PTPRK: variants seen among roughly 807,000 people sequenced by gnomAD.
The protein encoded by PTPRK is receptor-type tyrosine-protein phosphatase kappa.
Under a neutral mutation model 178.0 loss-of-function variants are expected in PTPRK, and 75 were observed. That is an observed-to-expected ratio of 0.42 (90% CI 0.35 to 0.51). PTPRK has a LOEUF of 0.51. PTPRK is among the 20% of genes least tolerant of loss of function. The pLI, the probability that PTPRK is intolerant of heterozygous loss-of-function variation, is 0.02. For missense variants in PTPRK, 1,441 were observed against 1,797.8 expected (o/e 0.80, Z 3.59); for synonymous variants, 637 against 620.6 (o/e 1.03, Z -0.39).
chr6:128,295,406 T>A (rs1355696011), intron 3 of PTPRK, among the ~76,000 whole-genome samples: 1 of 152,082 alleles, frequency 6.6e-6, no homozygotes. Flanking sequence ...AAGCAAGATT[T>A]TTTTTTAAAT....
chr6:128,170,495 A>G (rs1290881648), intron 7 of PTPRK, among the ~76,000 whole-genome samples: 1 of 152,056 alleles, frequency 6.6e-6, no homozygotes, highest in Non-Finnish European at 1.5e-5. Flanking sequence ...CACTTTCTAA[A>G]GGTAATATTT....
chr6:128,191,809 A>C (rs1803850775), intron 6 of PTPRK, among the ~76,000 whole-genome samples: 1 of 152,218 alleles, frequency 6.6e-6, no homozygotes, highest in Non-Finnish European at 1.5e-5. Flanking sequence ...CAATGCTGAA[A>C]ATAATAAATT....
chr6:128,130,744 A>G (rs894433040), intron 7 of PTPRK, among the ~76,000 whole-genome samples: 3 of 152,166 alleles, frequency 2.0e-5, no homozygotes, highest in African/African-American at 7.2e-5. Context: ...AGAAAATGGA[A>G]TGGTTTTGGC....
chr6:128,002,744 G>C (rs1291630261), intron 15 of PTPRK, among the ~76,000 whole-genome samples: 1 of 151,816 alleles, frequency 6.6e-6, no homozygotes, highest in Non-Finnish European at 1.5e-5. Context: ...AAAGACAAAA[G>C]CTAGAGCAAA....
chr6:128,033,717 A>T (rs1775735686), intron 13 of PTPRK, among the ~76,000 whole-genome samples: 1 of 152,038 alleles, frequency 6.6e-6, no homozygotes, highest in South Asian at 2.1e-4. Context: ...ACAAAAAATA[A>T]AATTGTTTAA....
chr6:128,286,471 A>T (rs968319755), intron 3 of PTPRK, among the ~76,000 whole-genome samples: 14 of 152,024 alleles, frequency 9.2e-5, no homozygotes, highest in African/African-American at 3.1e-4. Flanking sequence ...TTGTATAGGA[A>T]CTATCTCTAG....
At chr6:128,057,773 G>C (rs901316364) in intron 13 of PTPRK, among the ~76,000 whole-genome samples, 5 of 152,084 alleles carry the variant, frequency 3.3e-5, no homozygotes, top group Non-Finnish European at 7.4e-5. Flanking sequence ...TCCTCCTTGT[G>C]AATCACCGAA....
Position 128,240,019 on chromosome 6 carries a change from G to T in PTPRK, c.693+16C>A. 2 of 1,581,440 alleles carry T rather than the reference G, an allele frequency of 1.3e-6. No homozygotes were observed. Among genetic ancestry groups the T allele is most frequent in the Non-Finnish European group, 1.7e-6 (2 of 1,151,462 alleles). On this transcript the variant is annotated intron_variant, in intron 5 of 29. Transcript: ENST00000368226. ...ATAAAGTATACTCTTTAGCTCAGCT[G>T]CCAACTTGGCCTTACCTGGAGCCAT... is the stretch of plus-strand genomic sequence containing the variant.
At chr6:128,112,861 G>C (rs1054678492) in intron 7 of PTPRK, among the ~76,000 whole-genome samples, 1 of 152,064 alleles carries the variant, frequency 6.6e-6, no homozygotes, top group African/African-American at 2.4e-5. Context: ...AATGCAGTTT[G>C]ATTTCTTACA....
At chr6:128,396,364 A>G (rs1010646122) in intron 2 of PTPRK, among the ~76,000 whole-genome samples, 3 of 148,704 alleles carry the variant, frequency 2.0e-5, no homozygotes, top group African/African-American at 7.3e-5. Context: ...AACTATATAT[A>G]ATATATAATT....
chr6:128,355,249 TGA>T (rs1483828035), intron 2 of PTPRK, among the ~76,000 whole-genome samples: 2 of 152,124 alleles, frequency 1.3e-5, no homozygotes, highest in Non-Finnish European at 2.9e-5. Context: ...CGTCCAAAAG[TGA>T]GAATAAAGGG....
intron 21 of PTPRK, among the ~76,000 whole-genome samples, chr6:127,986,698 A>G (rs905236920): frequency 1.3e-5 from 2 of 152,148 alleles, no homozygotes; most frequent in African/African-American, 4.8e-5. Context: ...ATCCCACTAT[A>G]ATCTATATAA....
intron 1 of PTPRK, among the ~76,000 whole-genome samples, chr6:128,518,634 A>C (rs772675275): frequency 2.0e-5 from 3 of 152,212 alleles, no homozygotes; most frequent in Non-Finnish European, 2.9e-5. Flanking sequence ...GCATATAATG[A>C]GTTACATCAA....
chr6:128,452,352 A>G (rs917838901), intron 1 of PTPRK, among the ~76,000 whole-genome samples: 1 of 152,096 alleles, frequency 6.6e-6, no homozygotes, highest in Non-Finnish European at 1.5e-5. Context: ...TTCCCCAGTT[A>G]ATAAGTTGCT....
At chr6:128,378,057 C>T (rs1197382177) in intron 2 of PTPRK, among the ~76,000 whole-genome samples, 1 of 151,954 alleles carries the variant, frequency 6.6e-6, no homozygotes, top group African/African-American at 2.4e-5. Context: ...CAAATCTTCA[C>T]AAAAATAGAT....
chr6:128,109,908 T>G (rs1302755424), intron 7 of PTPRK, among the ~76,000 whole-genome samples: 1 of 151,582 alleles, frequency 6.6e-6, no homozygotes, highest in East Asian at 1.9e-4. Context: ...ACTACTTTTT[T>G]GGGGGGGGAG....
At position 128,350,243 on chromosome 6, in the gene PTPRK, AG is replaced by A. The variant is rs200705714; in HGVS notation, c.224-27934del. Among the ~76,000 whole-genome samples, 1,226 of 152,302 alleles carry A rather than the reference AG, an allele frequency of 8.0e-3. 8 individuals are homozygous for A. The highest frequency in any genetic ancestry group is 0.012 in the Non-Finnish European group (815 of 68,018). On this transcript the variant is annotated intron_variant, in intron 2 of 29. Transcript: ENST00000368226. ...GGCACCCATGGGCTAGCTCACAGCA[AG>A]GTAGAAAGTATTAAAGGTAGCAATC...
rs11969906 is a variant in PTPRK, at chr6:128,311,308, C to T, written c.495+10731G>A. Among the ~76,000 whole-genome samples, 624 of 152,172 alleles carry T rather than the reference C, an allele frequency of 4.1e-3. 4 individuals carry two copies. Among genetic ancestry groups the T allele is most frequent in the African/African-American group, 0.014 (596 of 41,504 alleles). ...TGTCCAGTAAATGCTGTGTTATGGG[C>T]CCCTTTGATCTGCTGAATTCAGTCA... On this transcript the variant is annotated intron_variant, in intron 3 of 29. Transcript: ENST00000368226.
At chr6:128,083,024 A>G (rs1286944245) in intron 9 of PTPRK, among the ~76,000 whole-genome samples, 1 of 152,148 alleles carries the variant, frequency 6.6e-6, no homozygotes, top group Admixed American at 6.6e-5. Flanking sequence ...CAAGTTATAT[A>G]ACAAATTTCA....
Sources: allele counts gnomAD v4.1 joint callset (sites outside exome capture counted in the v4.1 genomes callset), GRCh38; gene constraint gnomAD v4.1.1; transcripts MANE v1.5; gene names NCBI Gene and HGNC (gene_info 2026-07-23, HGNC 2026-07-21).